The following PCDHA2 variants were observed in gnomAD, a reference collection of about 807,000 sequenced individuals.
PCDHA2 encodes protocadherin alpha 2, also known as protocadherin alpha-2.
A neutral mutation model predicts 66.0 loss-of-function variants in PCDHA2; 58 were observed. That is an observed-to-expected ratio of 0.88 (90% CI 0.71 to 1.09). The LOEUF is 1.09. Among genes scored for constraint, PCDHA2 ranks in the 50% least tolerant of loss-of-function variants. The pLI, the probability that PCDHA2 is intolerant of heterozygous loss-of-function variation, is 0.00. For missense variants in PCDHA2, 1,267 were observed against 1,242.3 expected, an observed-to-expected ratio of 1.02 and a Z score of -0.30; for synonymous variants, 634 against 554.0, an observed-to-expected ratio of 1.14 and a Z score of -2.03.
rs2150127627 is a variant in PCDHA2 at position 140,823,632 on chromosome 5, C to T, written c.2388+26280C>T. On this transcript the variant is annotated intron_variant, in intron 1 of 3. Coordinates refer to ENST00000526136, the MANE Select transcript of PCDHA2 (RefSeq NM_018905.3). Reference sequence around the variant, plus strand: ...AGCCAGCGCCTGGCAGTGCGCGCATCCCGTTCCGCGTGGGGCTGTACACAG... The same window carrying T: ...AGCCAGCGCCTGGCAGTGCGCGCATTCCGTTCCGCGTGGGGCTGTACACAG... The T allele has an allele frequency of 2.4e-5, 39 of 1,614,058 alleles. No homozygotes were observed. The South Asian group carries it at 4.1e-4, about 17-fold the overall frequency.
chr5:140,796,964 T>C lies in PCDHA2; in HGVS notation c.2000T>C (p.Val667Ala). The C allele has an allele frequency of 6.2e-7, 1 of 1,613,764 alleles. No individual in the cohort carries two copies. The highest frequency in any genetic ancestry group is 8.5e-7 in the Non-Finnish European group (1 of 1,179,950). The change falls in exon 1 of 4, where the codon GTG (valine) becomes GCG (alanine). Residue 667 changes from valine (V) to alanine (A), a missense_variant. Transcript: ENST00000526136. ...PALTATATVL[V>A]SLVESGQAPK... ...TTGACAGCCACGGCCACCGTGTTAGTGTCGTTGGTGGAAAGTGGCCAGGCA... is the reference window on the plus strand; with the variant it reads ...TTGACAGCCACGGCCACCGTGTTAGCGTCGTTGGTGGAAAGTGGCCAGGCA...
chr5:140,917,396 G>C (rs928504202), intron 1 of PCDHA2, among the ~76,000 whole-genome samples: 2 of 151,286 alleles, frequency 1.3e-5, no homozygotes, highest in East Asian at 3.9e-4. Flanking sequence ...ATGTGCAGAA[G>C]CTCTTTAGTT....
intron 2 of PCDHA2, among the ~76,000 whole-genome samples, chr5:140,979,916 A>C (rs369427870): frequency 4.1e-4 from 63 of 152,376 alleles, no homozygotes; most frequent in African/African-American, 1.4e-3. Context: ...CGTAAAGAGA[A>C]AGCCTACAAA....
intron 1 of PCDHA2, chr5:140,811,488 T>C (rs1192193406): frequency 6.6e-6 from 1 of 152,242 alleles, no homozygotes; most frequent in Non-Finnish European, 1.5e-5. Context: ...TGTGTCTTTA[T>C]AGTAGCATGA....
In PCDHA2 at chr5:140,795,751, A is replaced by T. The variant is rs782311905; in HGVS notation, c.787A>T (p.Lys263Ter). 1 of 1,614,064 alleles carries T rather than the reference A, an allele frequency of 6.2e-7. No individual in the cohort carries two copies. Among genetic ancestry groups the T allele is most frequent in the South Asian group, 1.1e-5 (1 of 91,084 alleles). Residue 263 changes from lysine to a stop codon, truncating the protein, a stop_gained, in exon 1 of 4, where the codon AAG (lysine) becomes TAG (stop). Coordinates refer to ENST00000526136, the MANE Select transcript of PCDHA2 (RefSeq NM_018905.3). LOFTEE classifies it high-confidence loss of function. The stretch of plus-strand genomic sequence containing the variant: ...TACGGCAAATGGGACCTTAGTGGTT[A>T]AGTTAAACGCTTCTGATGCAGATGA... The part of the protein sequence containing the change: ...ENTANGTLVV[K>*]LNASDADEGP...
At chr5:140,911,518 T>C (rs531265598) in intron 1 of PCDHA2, among the ~76,000 whole-genome samples, 1 of 152,346 alleles carries the variant, frequency 6.6e-6, no homozygotes, top group East Asian at 1.9e-4. Flanking sequence ...TATCTGCTTC[T>C]GAAGCTAGGA....
chr5:140,919,933 T>C (rs2153555434), intron 1 of PCDHA2, among the ~76,000 whole-genome samples: 1 of 152,222 alleles, frequency 6.6e-6, no homozygotes. Flanking sequence ...AGGTGGGGGC[T>C]AATTCCAGTG....
At chr5:140,924,104 C>A (rs538996937) in intron 1 of PCDHA2, among the ~76,000 whole-genome samples, 20 of 152,306 alleles carry the variant, frequency 1.3e-4, no homozygotes, top group Middle Eastern at 6.8e-3. Context: ...AATTTTCATT[C>A]CAAAGCAGTT....
At chr5:140,907,970 A>C (rs1312755290) in intron 1 of PCDHA2, among the ~76,000 whole-genome samples, 3 of 152,158 alleles carry the variant, frequency 2.0e-5, no homozygotes, top group Admixed American at 2.0e-4. Flanking sequence ...CAATTTTCCA[A>C]TCATGCTTCT....
rs150962684 is a variant in PCDHA2 at position 140,829,379 on chromosome 5, G to A, written c.2388+32027G>A. The A allele has an allele frequency of 1.9e-4, 311 of 1,614,184 alleles. 1 individual carries two copies. The African/African-American group carries it at 3.5e-3, about 18-fold the overall frequency. The stretch of plus-strand genomic sequence containing the variant: ...TGAGTTGGTGGTAACCGCGCGGGAC[G>A]GGGGCTCGCCTTCGCTGTGGGCCAC... On this transcript the variant is annotated intron_variant, in intron 1 of 3. Coordinates refer to ENST00000526136, the MANE Select transcript of PCDHA2 (RefSeq NM_018905.3).
intron 1 of PCDHA2, among the ~76,000 whole-genome samples, chr5:140,827,704 CA>C (rs1554130856): frequency 6.6e-6 from 1 of 152,168 alleles, no homozygotes; most frequent in Non-Finnish European, 1.5e-5. Flanking sequence ...ATTAATGTTG[CA>C]AATATTGGTA....
intron 1 of PCDHA2, chr5:140,861,477 A>AT (rs2046941356): frequency 1.6e-5 from 8 of 493,206 alleles, no homozygotes; most frequent in South Asian, 1.2e-4. Context: ...GCAGAATGGC[A>AT]TTTTTGTGAG....
chr5:140,937,937 G>T (rs1584936873), intron 1 of PCDHA2, among the ~76,000 whole-genome samples: 1 of 151,274 alleles, frequency 6.6e-6, no homozygotes. Flanking sequence ...AGTTTAATTT[G>T]ATAATTGGCT....
chr5:140,881,443 G>T (rs1554172114), intron 1 of PCDHA2: 1 of 818,602 alleles, frequency 1.2e-6, no homozygotes, highest in Non-Finnish European at 1.5e-6. Flanking sequence ...TATAAAAACA[G>T]AATCCAAAAC....
chr5:140,975,578 C>T (rs2096673039), intron 1 of PCDHA2, among the ~76,000 whole-genome samples: 2 of 152,232 alleles, frequency 1.3e-5, no homozygotes, highest in Non-Finnish European at 2.9e-5. Flanking sequence ...TATGCAGTCT[C>T]ATGTCCCAGA....
rs1252148937 is a variant in PCDHA2 at position 141,009,582 on chromosome 5, G to T, written c.2537-45G>T. On this transcript the variant is annotated intron_variant, in intron 3 of 3. Coordinates refer to ENST00000526136, the MANE Select transcript of PCDHA2 (RefSeq NM_018905.3). ...CTCTACCAGCAGTGTGGCATCAAGA[G>T]CATGTGTTGACCCTGTTAATGATTT... 16 of 1,590,108 alleles carry T rather than the reference G, an allele frequency of 1.0e-5. No homozygotes were observed. In the African/African-American group the frequency reaches 2.0e-4, roughly 20 times the overall value.
chr5:140,836,758 G>C, intron 1 of PCDHA2: 1 of 1,572,510 alleles, frequency 6.4e-7, no homozygotes, highest in South Asian at 1.2e-5. Context: ...AAATAATCTT[G>C]TTTCCAACAA....
rs2098421681 is a variant in PCDHA2, at chr5:141,011,735, A to C, written c.*1798A>C. 1 of 153,882 alleles carries C rather than the reference A, an allele frequency of 6.5e-6. No individual in the cohort carries two copies. Among genetic ancestry groups the C allele is most frequent in the South Asian group, 2.1e-4 (1 of 4,828 alleles). 9.5% of individuals were successfully genotyped at this position (153,882 alleles called of 1,614,324 possible). A position where few individuals can be genotyped will look rare whatever the true frequency, so the allele number is the denominator to read the frequency against. ...TATTCCATGAGGGTGTGCAAGCACA[A>C]ATTTTACCAATCTGACCTCTTTGAA... On this transcript the variant is annotated 3_prime_UTR_variant, in exon 4 of 4. Transcript: ENST00000526136.
intron 1 of PCDHA2, chr5:140,827,937 T>C (rs1259463577): frequency 8.9e-7 from 1 of 1,126,774 alleles, no homozygotes; most frequent in African/African-American, 1.6e-5. Context: ...AAGTTATAGC[T>C]AGCCAACATT....
Sources: gnomAD v4.1 joint callset for allele counts (sites outside exome capture counted in the v4.1 genomes callset) on GRCh38, gnomAD v4.1.1 for gene constraint, MANE v1.5 for transcripts, NCBI Gene and HGNC (gene_info 2026-07-23, HGNC 2026-07-21) for gene names.